Variants in BMERB1 observed in about 807,000 individuals in gnomAD.
BMERB1 encodes bMERB domain containing 1.
In BMERB1, 12 loss-of-function variants were observed where a neutral mutation model predicts 23.6. The observed-to-expected ratio is 0.51, with a 90% CI of 0.33 to 0.82. BMERB1 has a LOEUF of 0.82. BMERB1 is among the 40% of genes least tolerant of loss of function. The pLI is 0.03. For synonymous variants in BMERB1, 122 were observed against 96.6 expected, an observed-to-expected ratio of 1.26 and a Z score of -1.54; for missense variants, 247 against 255.4, an observed-to-expected ratio of 0.97 and a Z score of 0.22.
chr16:15,565,264 G>T (rs1389093553), intron 2 of BMERB1, among the ~76,000 whole-genome samples: 1 of 152,164 alleles, frequency 6.6e-6, no homozygotes, highest in Admixed American at 6.5e-5. Context: ...CCCATGAGCT[G>T]TGTGTACTCA....
intron 2 of BMERB1, among the ~76,000 whole-genome samples, chr16:15,545,629 G>T (rs1013104881): frequency 6.6e-6 from 1 of 152,148 alleles, no homozygotes; most frequent in Admixed American, 6.5e-5. Context: ...CCAGAGACTG[G>T]CCACAGGACC....
chr16:15,533,548 G>A (rs895183127), intron 2 of BMERB1, among the ~76,000 whole-genome samples: 1 of 152,048 alleles, frequency 6.6e-6, no homozygotes, highest in Non-Finnish European at 1.5e-5. Context: ...AGCAGCCTCA[G>A]GTGTAGGGGG....
intron 2 of BMERB1, among the ~76,000 whole-genome samples, chr16:15,563,097 T>C (rs2030469883): frequency 6.6e-6 from 1 of 152,156 alleles, no homozygotes; most frequent in Non-Finnish European, 1.5e-5. Context: ...AAGAACTACC[T>C]GAGGCCGGGC....
chr16:15,571,516 G>A (rs1014396145), intron 3 of BMERB1, among the ~76,000 whole-genome samples: 1 of 151,880 alleles, frequency 6.6e-6, no homozygotes, highest in Non-Finnish European at 1.5e-5. Context: ...CACCACGCCC[G>A]GCTAATTTTT....
intron 2 of BMERB1, among the ~76,000 whole-genome samples, chr16:15,546,059 G>A (rs1463732895): frequency 6.6e-6 from 1 of 152,130 alleles, no homozygotes; most frequent in East Asian, 1.9e-4. Context: ...AGCCGAGATG[G>A]GAGGATTGCT....
chr16:15,497,849 G>A (rs2051488745), intron 1 of BMERB1, among the ~76,000 whole-genome samples: 1 of 152,164 alleles, frequency 6.6e-6, no homozygotes, highest in Admixed American at 6.5e-5. Flanking sequence ...GAGCAGAGTG[G>A]TTATCACAGC....
At chr16:15,458,251 C>T (rs991969368) in intron 1 of BMERB1, among the ~76,000 whole-genome samples, 2 of 152,202 alleles carry the variant, frequency 1.3e-5, no homozygotes, top group African/African-American at 2.4e-5. Flanking sequence ...CACTGTATTA[C>T]AACGGCTGAC....
chr16:15,516,548 T>G (rs918175060), intron 2 of BMERB1, among the ~76,000 whole-genome samples: 10 of 151,858 alleles, frequency 6.6e-5, no homozygotes, highest in African/African-American at 2.4e-4. Flanking sequence ...AAACCAGAGG[T>G]TAAGAGGCAA....
intron 1 of BMERB1, among the ~76,000 whole-genome samples, chr16:15,448,735 T>A (rs2051012941): frequency 6.6e-6 from 1 of 152,154 alleles, no homozygotes; most frequent in Admixed American, 6.5e-5. Flanking sequence ...GAGGTTGCAG[T>A]GAGCTGACAT....
intron 2 of BMERB1, among the ~76,000 whole-genome samples, chr16:15,563,656 G>A (rs1429657885): frequency 6.6e-6 from 1 of 152,172 alleles, no homozygotes; most frequent in African/African-American, 2.4e-5. Flanking sequence ...CATGATGGAA[G>A]GCGAAGGGGA....
At position 15,586,811 on chromosome 16, in the gene BMERB1, C is replaced by G. The variant is rs1484314354; in HGVS notation, c.597C>G (p.Thr199=). 2 of 1,608,682 alleles carry G rather than the reference C, an allele frequency of 1.2e-6. No homozygotes were observed. The highest frequency in any genetic ancestry group is 1.7e-6 in the Non-Finnish European group (2 of 1,178,008). ...TGATCAAGGATTGTTGCGGGGCCACCCAGTGCAACATCATGTAGCCCCCAC... is the reference window on the plus strand; with the variant it reads ...TGATCAAGGATTGTTGCGGGGCCACGCAGTGCAACATCATGTAGCCCCCAC... ...LALIKDCCGA[T]QCNIM The change falls in exon 6 of 6, where the codon ACC becomes ACG. Residue 199 remains threonine, a synonymous_variant. Coordinates refer to ENST00000300006, the MANE Select transcript of BMERB1 (RefSeq NM_033201.3).
intron 1 of BMERB1, among the ~76,000 whole-genome samples, chr16:15,508,744 T>G (rs916379093): frequency 1.3e-5 from 2 of 148,590 alleles, no homozygotes; most frequent in African/African-American, 5.0e-5. Context: ...GAGGATTGCT[T>G]GAGCCCGGGA....
At chr16:15,481,727 C>CTT (rs879776666) in intron 1 of BMERB1, among the ~76,000 whole-genome samples, 20 of 144,366 alleles carry the variant, frequency 1.4e-4, no homozygotes, top group African/African-American at 4.8e-4. Flanking sequence ...TCTTTTCTTT[C>CTT]TTTTTTTTTT....
chr16:15,457,663 C>A (rs1287821791), intron 1 of BMERB1, among the ~76,000 whole-genome samples: 1 of 152,180 alleles, frequency 6.6e-6, no homozygotes, highest in Non-Finnish European at 1.5e-5. Flanking sequence ...TGCTAAGCCT[C>A]CAGATGTTGG....
At chr16:15,475,003 A>G (rs2051263094) in intron 1 of BMERB1, among the ~76,000 whole-genome samples, 1 of 151,924 alleles carries the variant, frequency 6.6e-6, no homozygotes, top group Non-Finnish European at 1.5e-5. Flanking sequence ...TTTTCTTTTT[A>G]AGCAGGTAGC....
intron 2 of BMERB1, among the ~76,000 whole-genome samples, chr16:15,550,892 A>G (rs193073726): frequency 2.6e-5 from 4 of 152,170 alleles, no homozygotes; most frequent in Non-Finnish European, 5.9e-5. Context: ...ATGAGGATTC[A>G]ATGAGATTGG....
At chr16:15,452,341 A>G (rs988258137) in intron 1 of BMERB1, among the ~76,000 whole-genome samples, 2 of 150,786 alleles carry the variant, frequency 1.3e-5, no homozygotes, top group African/African-American at 4.9e-5. Context: ...GGAGAGAGAG[A>G]GAGAGAGAGA....
intron 1 of BMERB1, among the ~76,000 whole-genome samples, chr16:15,500,858 T>A (rs937935164): frequency 1.3e-5 from 2 of 152,080 alleles, no homozygotes; most frequent in Non-Finnish European, 2.9e-5. Flanking sequence ...CACCATGTTG[T>A]CCAGGCTGGT....
At chr16:15,569,023 C>T (rs1267217983) in intron 3 of BMERB1, among the ~76,000 whole-genome samples, 1 of 152,014 alleles carries the variant, frequency 6.6e-6, no homozygotes, top group Admixed American at 6.6e-5. Context: ...TGAGAACAGC[C>T]TGGCAAACAT....
Sources: allele counts gnomAD v4.1 joint callset (sites outside exome capture counted in the v4.1 genomes callset), GRCh38; gene constraint gnomAD v4.1.1; transcripts MANE v1.5; gene names NCBI Gene and HGNC (gene_info 2026-07-23, HGNC 2026-07-21).